JPH2: variants seen among roughly 807,000 people sequenced by gnomAD.
The protein encoded by JPH2 is junctophilin 2.
A neutral mutation model predicts 55.9 loss-of-function variants in JPH2; 38 were observed. The ratio of observed to expected loss-of-function variants is 0.68; its 90% CI spans 0.52 to 0.89. The LOEUF is 0.89. JPH2 is among the 40% of genes least tolerant of loss of function. The pLI, the probability that JPH2 is intolerant of heterozygous loss-of-function variation, is 0.00. For missense variants in JPH2, 964 were observed against 1,037.6 expected (o/e 0.93, Z 0.97); for synonymous variants, 480 against 472.4 (o/e 1.02, Z -0.21).
intron 2 of JPH2, among the ~76,000 whole-genome samples, chr20:44,158,229 G>A (rs1476186390): frequency 6.6e-6 from 1 of 152,212 alleles, no homozygotes; most frequent in Non-Finnish European, 1.5e-5. Flanking sequence ...GGCTTGACCT[G>A]AGCCCTGAAG....
rs371480335 is a variant in JPH2, at chr20:44,121,402, G to C, written c.1170-2779C>G. 5.3e-5 allele frequency among the ~76,000 whole-genome samples: 8 copies of C among 152,162 alleles called. No individual in the cohort carries two copies. In the South Asian group the frequency reaches 6.2e-4, roughly 12 times the overall value. ...GCAGAGAACTGGGCGCACGGTAAGG[G>C]GGATAAATTCCCTTAAGCTTCTACT... On this transcript the variant is annotated intron_variant, in intron 2 of 5. Coordinates refer to ENST00000372980, the MANE Select transcript of JPH2 (RefSeq NM_020433.5).
intron 2 of JPH2, among the ~76,000 whole-genome samples, chr20:44,120,022 T>C (rs2072223993): frequency 6.6e-6 from 1 of 152,060 alleles, no homozygotes; most frequent in Non-Finnish European, 1.5e-5. Context: ...GAGCCCCCGG[T>C]GGACTGGCTG....
intron 1 of JPH2, chr20:44,177,884 C>T (rs1482957426): frequency 3.1e-6 from 5 of 1,608,632 alleles, no homozygotes; most frequent in Non-Finnish European, 4.3e-6. Flanking sequence ...TATATTTTGG[C>T]ATTTCCTATG....
chr20:44,141,097 GTC>G (rs1478742747), intron 2 of JPH2, among the ~76,000 whole-genome samples: 4 of 152,164 alleles, frequency 2.6e-5, no homozygotes, highest in African/African-American at 9.7e-5. Flanking sequence ...GGATATTAAG[GTC>G]ACAGTCTTCA....
At chr20:44,118,378 T>A in intron 3 of JPH2, 127 bp downstream of exon 3, 1 of 796,094 alleles carries the variant, frequency 1.3e-6, no homozygotes, top group Non-Finnish European at 2.2e-6. Flanking sequence ...ATTTGCACCA[T>A]GCCCCAGTTT....
intron 2 of JPH2, among the ~76,000 whole-genome samples, chr20:44,149,630 C>T (rs575226756): frequency 6.6e-6 from 1 of 152,310 alleles, no homozygotes; most frequent in East Asian, 1.9e-4. Context: ...CTCTTCCCCC[C>T]AACCCCTGCT....
At chr20:44,146,995 C>T (rs777046613) in intron 2 of JPH2, among the ~76,000 whole-genome samples, 1 of 151,850 alleles carries the variant, frequency 6.6e-6, no homozygotes, top group Non-Finnish European at 1.5e-5. Flanking sequence ...ATCTCCTTTG[C>T]AATTATTATT....
At chr20:44,180,076 G>C (rs534570011) in intron 1 of JPH2, among the ~76,000 whole-genome samples, 1 of 152,244 alleles carries the variant, frequency 6.6e-6, no homozygotes, top group East Asian at 1.9e-4. Context: ...AAGTTAGCTG[G>C]GCATGGTGGC....
chr20:44,112,438 TA>T lies in JPH2; in HGVS notation c.*1079del, dbSNP rs3830811. 16,454 of 152,232 alleles carry T rather than the reference TA, an allele frequency of 0.11. 1,143 individuals are homozygous for T. Among genetic ancestry groups the T allele is most frequent in the African/African-American group, 0.21 (8,551 of 41,474 alleles). The allele number at this position is 152,232 out of a possible 1,614,324, so 9.4% of individuals were successfully genotyped here. A position where few individuals can be genotyped will look rare whatever the true frequency, so the allele number is the denominator to read the frequency against. ...TTCTACCAAGTAAGCCAAAGGGGCT[TA>T]TAACTGCACCCAGGCTGTACCCAGT... On this transcript the variant is annotated 3_prime_UTR_variant, in exon 6 of 6. Coordinates refer to ENST00000372980, the MANE Select transcript of JPH2 (RefSeq NM_020433.5).
intron 1 of JPH2, among the ~76,000 whole-genome samples, chr20:44,174,984 G>A (rs918487878): frequency 1.3e-5 from 2 of 151,626 alleles, no homozygotes; most frequent in African/African-American, 4.8e-5. Flanking sequence ...GTAACAGAGT[G>A]AGACCCTGTC....
At chr20:44,117,977 CCTCA>C (rs745462899) in intron 3 of JPH2, among the ~76,000 whole-genome samples, 6 of 152,354 alleles carry the variant, frequency 3.9e-5, no homozygotes, top group African/African-American at 1.2e-4. Context: ...AGGTTAAACA[CCTCA>C]CTCAAAGTCT....
intron 1 of JPH2, among the ~76,000 whole-genome samples, chr20:44,164,524 T>A (rs188329682): frequency 3.7e-4 from 56 of 151,398 alleles, no homozygotes; most frequent in Admixed American, 7.2e-4. Flanking sequence ...GAAAAGAGAG[T>A]GTGCTAGAAA....
chr20:44,159,961 C>T lies in JPH2; in HGVS notation c.826G>A (p.Ala276Thr), dbSNP rs1436612779. 6.2e-7 allele frequency: 1 copy of T among 1,601,488 alleles called. No individual in the cohort carries two copies. Among genetic ancestry groups the T allele is most frequent in the African/African-American group, 1.3e-5 (1 of 74,708 alleles). The change falls in exon 2 of 6, where the codon GCC (alanine) becomes ACC (threonine). Residue 276 changes from alanine (A) to threonine (T), a missense_variant. Ala to Thr is a moderately conservative substitution (Grantham distance 58, BLOSUM62 0). Transcript: ENST00000372980. This position sits in a 1 kb window ranked among gnomAD's most constrained non-coding sequence, Gnocchi z 5.7. ...LGEAAEGADE[A>T]APFEADIDAT... ...TCGATATCGGCCTCGAAGGGTGCGG[C>T]CTCGTCGGCGCCCTCGGCGGCCTCT... is the stretch of plus-strand genomic sequence containing the variant.
intron 2 of JPH2, among the ~76,000 whole-genome samples, chr20:44,123,064 G>A (rs1033330517): frequency 6.6e-6 from 1 of 152,166 alleles, no homozygotes; most frequent in South Asian, 2.1e-4. Flanking sequence ...GAAGATTCTG[G>A]GGGACCCACT....
chr20:44,130,346 C>T (rs561692538), intron 2 of JPH2, among the ~76,000 whole-genome samples: 89 of 152,350 alleles, frequency 5.8e-4, no homozygotes, highest in African/African-American at 2.1e-3. Context: ...ATCAAGAGGC[C>T]CCCGAGTTTT....
rs1383130666 is a variant in JPH2 at position 44,134,325 on chromosome 20, A to ATATT, written c.1170-15703_1170-15702insAATA. Among the ~76,000 whole-genome samples the ATATT allele has an allele frequency of 3.3e-3, 9 of 2,720 alleles. 4 individuals are homozygous for ATATT. The highest frequency in any genetic ancestry group is 7.4e-3 in the African/African-American group (2 of 272). 1.8% of individuals were successfully genotyped at this position (2,720 alleles called of 152,430 possible). A position where few individuals can be genotyped will look rare whatever the true frequency, so the allele number is the denominator to read the frequency against. ...TAATAAATATTTATTATAAATATAT[A>ATATT]ATAAATATATAATAAATATTTATTA... On this transcript the variant is annotated intron_variant, in intron 2 of 5. Transcript: ENST00000372980.
At chr20:44,146,298 A>C (rs1221945989) in intron 2 of JPH2, among the ~76,000 whole-genome samples, 1 of 151,932 alleles carries the variant, frequency 6.6e-6, no homozygotes, top group Non-Finnish European at 1.5e-5. Flanking sequence ...CTCCCAGAGT[A>C]CTGGGATTCC....
At chr20:44,151,757 G>A (rs1291041162) in intron 2 of JPH2, among the ~76,000 whole-genome samples, 3 of 152,156 alleles carry the variant, frequency 2.0e-5, no homozygotes, top group Non-Finnish European at 4.4e-5. Context: ...TTCAAAGCCC[G>A]TACTAACCTG....
intron 1 of JPH2, among the ~76,000 whole-genome samples, chr20:44,171,353 G>A (rs1358348567): frequency 1.3e-5 from 2 of 152,218 alleles, no homozygotes; most frequent in Non-Finnish European, 2.9e-5. Context: ...GTCATTAGAT[G>A]TGAAGGAGGC....
Sources: gnomAD v4.1 joint callset for allele counts (sites outside exome capture counted in the v4.1 genomes callset) on GRCh38, gnomAD v4.1.1 for gene constraint, Gnocchi (gnomAD v3.1) non-coding constraint, MANE v1.5 for transcripts, NCBI Gene and HGNC (gene_info 2026-07-23, HGNC 2026-07-21) for gene names.